NEK10: variants seen among roughly 807,000 people sequenced by gnomAD.
NEK10 encodes the protein NIMA related kinase 10.
Under a neutral mutation model 159.8 loss-of-function variants are expected in NEK10, and 122 were observed. The observed-to-expected ratio is 0.76, with a 90% CI of 0.66 to 0.89. The LOEUF (loss-of-function observed/expected upper bound fraction) is 0.89. Ranked by LOEUF, NEK10 falls within the 40% of genes least tolerant of loss-of-function variation. The probability of loss-of-function intolerance (pLI) is 0.00; values close to 1 mark genes in which losing one functional copy is unlikely to be tolerated. For missense variants in NEK10, 1,342 were observed against 1,323.1 expected, an observed-to-expected ratio of 1.01 and a Z score of -0.22; for synonymous variants, 466 against 457.1, an observed-to-expected ratio of 1.02 and a Z score of -0.25.
intron 23 of NEK10, chr3:27,252,741 C>A: frequency 5.7e-6 from 2 of 352,762 alleles, no homozygotes; most frequent in Non-Finnish European, 1.1e-5. Flanking sequence ...AAGAGTATTC[C>A]AGGCAAAGGG....
chr3:27,337,212 C>T (rs2046865755), intron 5 of NEK10, among the ~76,000 whole-genome samples: 1 of 152,070 alleles, frequency 6.6e-6, no homozygotes. Context: ...AGAGGACAAT[C>T]CTATTTCCGA....
chr3:27,356,529 T>A (rs1206430783), intron 1 of NEK10, among the ~76,000 whole-genome samples: 1 of 152,040 alleles, frequency 6.6e-6, no homozygotes, highest in African/African-American at 2.4e-5. Context: ...AACTAATAAA[T>A]AAATACCCCA....
intron 20 of NEK10, among the ~76,000 whole-genome samples, 159 bp from the exon 21 acceptor site, chr3:27,285,120 A>T (rs561788666): frequency 1.3e-4 from 20 of 152,276 alleles, no homozygotes; most frequent in African/African-American, 4.8e-4. Flanking sequence ...TCAGCCCTGG[A>T]AGAGGTGGAG....
intron 23 of NEK10, among the ~76,000 whole-genome samples, chr3:27,247,196 T>G (rs1955162243): frequency 6.6e-6 from 1 of 152,208 alleles, no homozygotes; most frequent in Admixed American, 6.5e-5. Context: ...ATCCCTGTCA[T>G]GTTCTAGATC....
chr3:27,252,847 C>A (rs779508615), intron 23 of NEK10: 2 of 496,300 alleles, frequency 4.0e-6, no homozygotes, highest in Non-Finnish European at 8.1e-6. Flanking sequence ...AAGAACTTGG[C>A]AGAGGCCAGA....
At chr3:27,195,829 A>G (rs1575189250) in intron 25 of NEK10, among the ~76,000 whole-genome samples, 1 of 152,066 alleles carries the variant, frequency 6.6e-6, no homozygotes, top group Non-Finnish European at 1.5e-5. Context: ...ATTTATCACA[A>G]TTTGCTTTAT....
Position 27,297,195 on chromosome 3 carries a change from G to T in NEK10, c.1214C>A (p.Ala405Asp). The change falls in exon 14 of 36, where the codon GCC becomes GAC. Residue 405 changes from alanine to aspartate, a missense_variant. Physicochemically the swap from Ala to Asp is moderately radical, Grantham distance 126. Coordinates refer to ENST00000691995, the MANE Select transcript of NEK10 (RefSeq NM_001394966.1). ...TGCTCTCACCTGAACCACCTGGTGGGCATTGGTGTCATTGAGCACCAGCTC... is the reference window on the plus strand; with the variant it reads ...TGCTCTCACCTGAACCACCTGGTGGTCATTGGTGTCATTGAGCACCAGCTC... ...LTELVLNDTN[A>D]HQVVQENGVY... 6.2e-7 allele frequency: 1 copy of T among 1,612,604 alleles called. No individual in the cohort carries two copies.
intron 30 of NEK10, among the ~76,000 whole-genome samples, chr3:27,150,759 G>A (rs181893981): frequency 8.5e-5 from 13 of 152,228 alleles, no homozygotes; most frequent in African/African-American, 2.2e-4. Context: ...TCAGAAATCC[G>A]TTTCATAAGG....
At chr3:27,321,052 A>G (rs1344544515) in intron 6 of NEK10, among the ~76,000 whole-genome samples, 2 of 152,184 alleles carry the variant, frequency 1.3e-5, no homozygotes, top group African/African-American at 4.8e-5. Context: ...CACTTAAAGG[A>G]AACATATTCT....
At chr3:27,283,940 T>A (rs2042384667) in intron 22 of NEK10, among the ~76,000 whole-genome samples, 1 of 152,206 alleles carries the variant, frequency 6.6e-6, no homozygotes, top group African/African-American at 2.4e-5. Context: ...AGAAAAAACC[T>A]GAAAACCATT....
chr3:27,111,025 C>T lies in NEK10; in HGVS notation c.*247G>A, dbSNP rs1939460480. 2.9e-6 allele frequency: 1 copy of T among 343,276 alleles called. No individual in the cohort carries two copies. Among genetic ancestry groups the T allele is most frequent in the Admixed American group, 4.8e-5 (1 of 21,032 alleles). The allele number at this position is 343,276 out of a possible 1,614,324, so 21.3% of individuals were successfully genotyped here. ...AAAGATGAATTTTGCAGCATTTTCT[C>T]CCAGCAGCACACTGGTAGCTCTGAC... is the stretch of plus-strand genomic sequence containing the variant. On this transcript the variant is annotated 3_prime_UTR_variant, in exon 36 of 36. Coordinates refer to ENST00000691995, the MANE Select transcript of NEK10 (RefSeq NM_001394966.1).
At chr3:27,307,117 C>T (rs4374492) in intron 11 of NEK10, among the ~76,000 whole-genome samples, 1 of 152,200 alleles carries the variant, frequency 6.6e-6, no homozygotes, top group East Asian at 1.9e-4. Context: ...TGGTTTTCAA[C>T]ACCTGGTACC....
chr3:27,127,236 T>C (rs1470736569), intron 32 of NEK10, among the ~76,000 whole-genome samples: 2 of 152,146 alleles, frequency 1.3e-5, no homozygotes, highest in Non-Finnish European at 2.9e-5. Flanking sequence ...CCGTAATATT[T>C]CAGCATGGCT....
chr3:27,136,599 C>A (rs1275255144), intron 31 of NEK10, among the ~76,000 whole-genome samples: 1 of 152,048 alleles, frequency 6.6e-6, no homozygotes, highest in African/African-American at 2.4e-5. Flanking sequence ...CTTATATGTC[C>A]AAAGGTAGAT....
At chr3:27,253,719 G>T (rs1226297525) in intron 23 of NEK10, among the ~76,000 whole-genome samples, 1 of 152,150 alleles carries the variant, frequency 6.6e-6, no homozygotes, top group African/African-American at 2.4e-5. Flanking sequence ...ACCCTGCAGG[G>T]AAGGGAAAGG....
chr3:27,326,589 G>T (rs1303592208), intron 5 of NEK10, among the ~76,000 whole-genome samples: 1 of 137,064 alleles, frequency 7.3e-6, no homozygotes, highest in South Asian at 2.1e-4. Flanking sequence ...AAAAATTCCA[G>T]AATAGTTTTT....
At chr3:27,237,034 C>T (rs1954001032) in intron 23 of NEK10, among the ~76,000 whole-genome samples, 1 of 152,120 alleles carries the variant, frequency 6.6e-6, no homozygotes, top group East Asian at 1.9e-4. Context: ...GAATGCATTC[C>T]TTCCCCTGGG....
At chr3:27,115,377 T>C (rs769259433) in intron 35 of NEK10, among the ~76,000 whole-genome samples, 1 of 152,216 alleles carries the variant, frequency 6.6e-6, no homozygotes, top group Admixed American at 6.6e-5. Flanking sequence ...AAATAGCATA[T>C]ACTCTTAGAA....
At chr3:27,180,369 T>C (rs1947950051) in intron 26 of NEK10, among the ~76,000 whole-genome samples, 1 of 124,408 alleles carries the variant, frequency 8.0e-6, no homozygotes, top group South Asian at 2.6e-4. Context: ...CACTCCATCC[T>C]GGGTGACAGA....
Sources: gnomAD v4.1 joint callset for allele counts (sites outside exome capture counted in the v4.1 genomes callset) on GRCh38, gnomAD v4.1.1 for gene constraint, MANE v1.5 for transcripts, NCBI Gene and HGNC (gene_info 2026-07-23, HGNC 2026-07-21) for gene names.